Variants in MAP7D2 observed in about 807,000 individuals in gnomAD.
MAP7D2 encodes MAP7 domain-containing protein 2.
MAP7D2 carries 33 observed loss-of-function variants against 63.5 expected under a neutral mutation model. That is an observed-to-expected ratio of 0.52 (90% confidence interval 0.39 to 0.70). The LOEUF (loss-of-function observed/expected upper bound fraction) is 0.70. Among genes scored for constraint, MAP7D2 ranks in the 30% least tolerant of loss-of-function variants. The pLI, the probability that MAP7D2 is intolerant of heterozygous loss-of-function variation, is 0.00. For synonymous variants in MAP7D2, 224 were observed against 223.7 expected, an observed-to-expected ratio of 1.00 and a Z score of -0.01; for missense variants, 626 against 604.0, an observed-to-expected ratio of 1.04 and a Z score of -0.38.
At chrX:20,076,523 T>C (rs2065647276) in intron 1 of MAP7D2, among the ~76,000 whole-genome samples, 1 of 110,123 alleles carries the variant, frequency 9.1e-6, no homozygotes, top group Non-Finnish European at 1.9e-5. Context: ...CCGGCCAACA[T>C]GACAAAACCC....
intron 6 of MAP7D2, among the ~76,000 whole-genome samples, chrX:20,046,133 A>C (rs1254796371): frequency 8.9e-6 from 1 of 112,242 alleles, no homozygotes; most frequent in Non-Finnish European, 1.9e-5. Context: ...ATATGAAAAG[A>C]CAGGCAATTT....
chrX:20,080,152 C>G (rs191596034), intron 1 of MAP7D2, among the ~76,000 whole-genome samples: 100 of 110,921 alleles, frequency 9.0e-4, no homozygotes, highest in African/African-American at 3.0e-3. Context: ...ACAGCATATT[C>G]TATTCACAGC....
intron 8 of MAP7D2, among the ~76,000 whole-genome samples, chrX:20,029,176 C>T (rs759941382): frequency 8.9e-6 from 1 of 112,259 alleles, no homozygotes; most frequent in Non-Finnish European, 1.9e-5. Context: ...GCACTTCTGC[C>T]CATGAATGGG....
At chrX:20,109,382 TGGTGG>T (rs2066665972) in intron 1 of MAP7D2, among the ~76,000 whole-genome samples, 1 of 108,688 alleles carries the variant, frequency 9.2e-6, no homozygotes, top group African/African-American at 3.4e-5. Context: ...TAGCCGGGCA[TGGTGG>T]TGCACGCCTG....
At chrX:20,090,779 C>A (rs1217944710) in intron 1 of MAP7D2, among the ~76,000 whole-genome samples, 6 of 111,848 alleles carry the variant, frequency 5.4e-5, no homozygotes, top group Non-Finnish European at 9.4e-5. Flanking sequence ...TTGCTCAAAG[C>A]CGGAAATAGT....
chrX:20,109,090 C>A (rs767918710), intron 1 of MAP7D2, among the ~76,000 whole-genome samples: 16 of 108,899 alleles, frequency 1.5e-4, no homozygotes, highest in Non-Finnish European at 2.5e-4. Flanking sequence ...AAAAGGCATA[C>A]AAGATCTTTG....
intron 3 of MAP7D2, among the ~76,000 whole-genome samples, chrX:20,058,997 C>T (rs1349284922): frequency 1.8e-5 from 2 of 111,861 alleles, no homozygotes; most frequent in African/African-American, 6.5e-5. Flanking sequence ...CTCTGCCTGA[C>T]ACTTTTTATC....
At chrX:20,014,963 C>T (rs758386872) in intron 12 of MAP7D2, among the ~76,000 whole-genome samples, 3 of 111,559 alleles carry the variant, frequency 2.7e-5, no homozygotes, top group Non-Finnish European at 5.7e-5. Flanking sequence ...GTGATCCTCC[C>T]GCCTCTGCCT....
intron 1 of MAP7D2, among the ~76,000 whole-genome samples, chrX:20,104,312 T>C (rs1488408823): frequency 1.8e-5 from 2 of 112,746 alleles, no homozygotes; most frequent in Non-Finnish European, 3.8e-5. Flanking sequence ...TAGTTTATGA[T>C]GTTTTTGAGA....
rs1339501445 is a variant in MAP7D2, at chrX:20,010,933, A to C, written c.2192T>G (p.Leu731Ter). Residue 731 changes from leucine (L) to a stop codon, truncating the protein, a stop_gained, in exon 16 of 17, where the codon TTA becomes TGA. Coordinates refer to ENST00000379643, the MANE Select transcript of MAP7D2 (RefSeq NM_001168465.2). LOFTEE classifies it high-confidence loss of function. Reference sequence around the variant, plus strand: ...GAATGTCGGGGGACCAGTGAAATCTAAGAGATCTTGAAGTGCTCGGGCATT... The same window carrying C: ...GAATGTCGGGGGACCAGTGAAATCTCAGAGATCTTGAAGTGCTCGGGCATT... Reference protein sequence around the residue: ...TGNARALQDLLDFTGPPTFPK... With the variant: ...TGNARALQDL 1 of 1,209,442 alleles carries C rather than the reference A, an allele frequency of 8.3e-7. No individual in the cohort carries two copies. The highest frequency in any genetic ancestry group is 1.1e-6 in the Non-Finnish European group (1 of 895,184).
chrX:20,063,326 C>T (rs899085413), intron 3 of MAP7D2, 88 bp downstream of exon 3: 52 of 1,058,901 alleles, frequency 4.9e-5, no homozygotes, highest in Middle Eastern at 3.7e-4. Flanking sequence ...GGTCTCTCTC[C>T]TACCCCAGAG....
In MAP7D2 at chrX:20,064,294, C is replaced by T. The variant is rs749066763; in HGVS notation, c.208+434G>A. On this transcript the variant is annotated intron_variant, in intron 2 of 16. Coordinates refer to ENST00000379643, the MANE Select transcript of MAP7D2 (RefSeq NM_001168465.2). ...TGTCTACAGCCTGCAAGAGGCAAGA[C>T]GGCCTTTCTCAACCAGGGCTCTCTG... Among the ~76,000 whole-genome samples, 9 of 112,239 alleles carry T rather than the reference C, an allele frequency of 8.0e-5. No homozygotes were observed. The South Asian group carries it at 2.6e-3, about 33-fold the overall frequency.
intron 10 of MAP7D2, among the ~76,000 whole-genome samples, chrX:20,024,023 A>G (rs2073750356): frequency 8.9e-6 from 1 of 112,067 alleles, no homozygotes; most frequent in South Asian, 3.8e-4. Context: ...TCACTAAAGG[A>G]TCAATAATAT....
chrX:20,059,756 A>G (rs1419029946), intron 3 of MAP7D2, among the ~76,000 whole-genome samples: 1 of 110,097 alleles, frequency 9.1e-6, no homozygotes, highest in African/African-American at 3.3e-5. Flanking sequence ...AAAGAGAGGA[A>G]GGAAGGAAAG....
In MAP7D2 at chrX:20,115,651, T is replaced by C. The variant is rs2066873438; in HGVS notation, c.130+1099A>G. Among the ~76,000 whole-genome samples the C allele has an allele frequency of 2.7e-5, 3 of 111,677 alleles. No homozygotes were observed. The Admixed American group carries it at 2.9e-4, about 11-fold the overall frequency. ...TTAAGCTATCTCCTCCTCCTAAGAA[T>C]GATGCAACTGAAGGCCCAGTCAGAA... On this transcript the variant is annotated intron_variant, in intron 1 of 16. Coordinates refer to ENST00000379643, the MANE Select transcript of MAP7D2 (RefSeq NM_001168465.2).
intron 1 of MAP7D2, among the ~76,000 whole-genome samples, chrX:20,113,535 C>T (rs1603412345): frequency 1.8e-5 from 2 of 112,404 alleles, no homozygotes; most frequent in East Asian, 5.6e-4. Context: ...TGAGCCACCA[C>T]GCCCAGCGAT....
At chrX:20,014,482 C>T (rs888685093) in intron 12 of MAP7D2, among the ~76,000 whole-genome samples, 5 of 111,080 alleles carry the variant, frequency 4.5e-5, no homozygotes, top group East Asian at 2.8e-4. Context: ...GCAGGAGAAT[C>T]GCTTGAACCT....
chrX:20,026,829 G>A (rs1238037942), intron 8 of MAP7D2, among the ~76,000 whole-genome samples: 1 of 111,860 alleles, frequency 8.9e-6, no homozygotes, highest in Non-Finnish European at 1.9e-5. Context: ...TTCCCTAGAG[G>A]TTTGAACAGG....
intron 1 of MAP7D2, among the ~76,000 whole-genome samples, chrX:20,109,439 G>C (rs1297006772): frequency 9.8e-6 from 1 of 102,482 alleles, no homozygotes; most frequent in East Asian, 3.1e-4. Context: ...AGAATCGCTT[G>C]AACCCAGGAG....
Sources: allele counts gnomAD v4.1 joint callset (sites outside exome capture counted in the v4.1 genomes callset), GRCh38; gene constraint gnomAD v4.1.1; transcripts MANE v1.5; gene names NCBI Gene and HGNC (gene_info 2026-07-23, HGNC 2026-07-21).